The following SCFD2 variants were observed in gnomAD, a reference collection of about 807,000 sequenced individuals.
SCFD2 encodes sec1 family domain-containing protein 2.
In SCFD2, 54 loss-of-function variants were observed where a neutral mutation model predicts 58.9. That is an observed-to-expected ratio of 0.92 (90% CI 0.74 to 1.15). The LOEUF (loss-of-function observed/expected upper bound fraction) is 1.15, where lower values mean the gene tolerates loss of function less well. Ranked by LOEUF, SCFD2 falls within the 50% of genes most tolerant of loss-of-function variation. SCFD2 has a pLI of 0.00. For synonymous variants in SCFD2, 321 were observed against 335.9 expected, an observed-to-expected ratio of 0.96 and a Z score of 0.49; for missense variants, 805 against 836.6, an observed-to-expected ratio of 0.96 and a Z score of 0.47.
chr4:53,273,207 C>G (rs1731228349), intron 4 of SCFD2, among the ~76,000 whole-genome samples: 2 of 152,120 alleles, frequency 1.3e-5, no homozygotes, highest in South Asian at 4.1e-4. Context: ...TACATTTATG[C>G]TTCACAATCC....
At chr4:53,239,463 A>C (rs1023091185) in intron 4 of SCFD2, among the ~76,000 whole-genome samples, 11 of 147,558 alleles carry the variant, frequency 7.5e-5, no homozygotes, top group Non-Finnish European at 1.1e-4. Flanking sequence ...AGAGGGAGAG[A>C]GCGTCCCCAA....
At chr4:53,245,479 T>A (rs1409376928) in intron 4 of SCFD2, among the ~76,000 whole-genome samples, 2 of 152,076 alleles carry the variant, frequency 1.3e-5, no homozygotes, top group African/African-American at 4.8e-5. Context: ...ACATGATTCA[T>A]CATGCAAACA....
chr4:53,340,227 C>G (rs559332581), intron 2 of SCFD2, among the ~76,000 whole-genome samples: 1 of 152,284 alleles, frequency 6.6e-6, no homozygotes, highest in East Asian at 1.9e-4. Context: ...GAAGCTGTGA[C>G]AGACGGCACC....
chr4:53,233,670 T>C (rs557256202), intron 4 of SCFD2, among the ~76,000 whole-genome samples: 1 of 152,312 alleles, frequency 6.6e-6, no homozygotes, highest in Admixed American at 6.5e-5. Context: ...GCCATATGCC[T>C]ACCCTGGGCA....
intron 5 of SCFD2, chr4:52,956,133 G>C (rs1319175797): frequency 2.2e-6 from 1 of 456,672 alleles, no homozygotes; most frequent in East Asian, 7.0e-5. Flanking sequence ...TCCACAGCCA[G>C]AGCTCTAAAT....
intron 2 of SCFD2, among the ~76,000 whole-genome samples, chr4:53,322,562 A>G (rs1733058766): frequency 6.6e-6 from 1 of 152,228 alleles, no homozygotes; most frequent in African/African-American, 2.4e-5. Context: ...TTAATGATTA[A>G]CACTATAATC....
At chr4:53,330,035 A>G (rs1577973415) in intron 2 of SCFD2, among the ~76,000 whole-genome samples, 1 of 151,596 alleles carries the variant, frequency 6.6e-6, no homozygotes, top group East Asian at 1.9e-4. Flanking sequence ...CGAGAAGGGA[A>G]GTTTAGAGAA....
intron 3 of SCFD2, among the ~76,000 whole-genome samples, chr4:53,295,725 G>A (rs1732005277): frequency 1.3e-5 from 2 of 152,102 alleles, no homozygotes; most frequent in Admixed American, 6.6e-5. Context: ...GGCTTTCAAA[G>A]GAAATGCTTC....
intron 6 of SCFD2, among the ~76,000 whole-genome samples, chr4:52,918,645 T>C (rs1311372807): frequency 6.6e-6 from 1 of 152,168 alleles, no homozygotes; most frequent in Non-Finnish European, 1.5e-5. Context: ...TATAAATTTT[T>C]CCTAAATTTT....
At chr4:53,105,342 T>TCA (rs745732820) in intron 5 of SCFD2, among the ~76,000 whole-genome samples, 7 of 151,060 alleles carry the variant, frequency 4.6e-5, no homozygotes, top group Non-Finnish European at 7.4e-5. Flanking sequence ...ACAGAGCCGT[T>TCA]CACTCCCCTG....
chr4:53,225,186 G>A (rs1257988064), intron 4 of SCFD2, among the ~76,000 whole-genome samples: 1 of 151,998 alleles, frequency 6.6e-6, no homozygotes. Context: ...ACCTTTTCAA[G>A]GTTTATTGCC....
chr4:53,176,256 G>T (rs1727325060), intron 4 of SCFD2, among the ~76,000 whole-genome samples: 1 of 152,164 alleles, frequency 6.6e-6, no homozygotes, highest in African/African-American at 2.4e-5. Flanking sequence ...AACATATTTT[G>T]CCAAGTCTAA....
intron 6 of SCFD2, among the ~76,000 whole-genome samples, chr4:52,911,257 G>A (rs1719479099): frequency 1.3e-5 from 2 of 152,128 alleles, no homozygotes; most frequent in Non-Finnish European, 2.9e-5. Context: ...GTGTAGACTG[G>A]GAGACAGGGG....
At position 53,353,657 on chromosome 4, in the gene SCFD2, G is replaced by C. The variant is rs758054807; in HGVS notation, c.839-891C>G. ...TTACAAACCTTGAGCTAGACACAGAGTGCTGATTGGTGCATTTACAATCCT... is the reference window on the plus strand; with the variant it reads ...TTACAAACCTTGAGCTAGACACAGACTGCTGATTGGTGCATTTACAATCCT... On this transcript the variant is annotated intron_variant, in intron 1 of 8. Transcript: ENST00000401642. 5.9e-5 allele frequency among the ~76,000 whole-genome samples: 9 copies of C among 152,230 alleles called. No individual in the cohort carries two copies. The South Asian group carries it at 6.2e-4, about 11-fold the overall frequency.
intron 2 of SCFD2, among the ~76,000 whole-genome samples, chr4:53,328,823 A>C (rs1283571347): frequency 6.6e-5 from 10 of 152,232 alleles, no homozygotes; most frequent in Admixed American, 4.6e-4. Context: ...CTGCATTTCC[A>C]TCTGAGGTAC....
At position 52,952,532 on chromosome 4, in the gene SCFD2, T is replaced by G. The variant is rs141480837; in HGVS notation, c.1562-31662A>C. 1.7e-3 allele frequency among the ~76,000 whole-genome samples: 252 copies of G among 152,270 alleles called. 1 individual carries two copies. Among genetic ancestry groups the G allele is most frequent in the African/African-American group, 5.8e-3 (243 of 41,546 alleles). On this transcript the variant is annotated intron_variant, in intron 5 of 8. Transcript: ENST00000401642. ...TTACTCCAGAAAAAAGTTTATCTTC[T>G]CTCCCACAAATAGTAAACATAAGCT...
chr4:53,335,319 A>G (rs1733649060), intron 2 of SCFD2, among the ~76,000 whole-genome samples: 1 of 152,176 alleles, frequency 6.6e-6, no homozygotes, highest in Non-Finnish European at 1.5e-5. Flanking sequence ...AAACAAACAT[A>G]AACTGAAGAA....
chr4:53,338,880 G>A (rs895449364), intron 2 of SCFD2, among the ~76,000 whole-genome samples: 11 of 151,986 alleles, frequency 7.2e-5, no homozygotes, highest in East Asian at 1.9e-4. Context: ...GCGCCTGGCC[G>A]AAAGCAGTAT....
intron 4 of SCFD2, among the ~76,000 whole-genome samples, chr4:53,249,608 C>G (rs1390883574): frequency 6.6e-6 from 1 of 152,134 alleles, no homozygotes; most frequent in Non-Finnish European, 1.5e-5. Context: ...GCAGATCTCT[C>G]GGCAAAAACT....
Sources: allele counts gnomAD v4.1 joint callset (sites outside exome capture counted in the v4.1 genomes callset), GRCh38; gene constraint gnomAD v4.1.1; transcripts MANE v1.5; gene names NCBI Gene and HGNC (gene_info 2026-07-23, HGNC 2026-07-21).